RAB5C: variants seen among roughly 807,000 people sequenced by gnomAD.
RAB5C encodes the protein RAB5C, member RAS oncogene family, also known as ras-related protein Rab-5C.
Under a neutral mutation model 25.2 loss-of-function variants are expected in RAB5C, and 4 were observed. That is an observed-to-expected ratio of 0.16 (90% confidence interval 0.08 to 0.36). The LOEUF is 0.36. Ranked by LOEUF, RAB5C falls within the 10% of genes least tolerant of loss-of-function variation. The pLI, the probability that RAB5C is intolerant of heterozygous loss-of-function variation, is 1.00. For synonymous variants in RAB5C, 100 were observed against 106.4 expected (o/e 0.94, Z 0.37); for missense variants, 199 against 283.8 (o/e 0.70, Z 2.15).
intron 2 of RAB5C, among the ~76,000 whole-genome samples, chr17:42,129,943 A>G (rs534058370): frequency 6.6e-6 from 1 of 152,210 alleles, no homozygotes; most frequent in Non-Finnish European, 1.5e-5. Flanking sequence ...CCGACTCACC[A>G]GGCTGTTCCT....
intron 2 of RAB5C, 180 bp downstream of exon 2, chr17:42,130,157 G>C: frequency 1.3e-6 from 1 of 758,078 alleles, no homozygotes; most frequent in South Asian, 2.2e-5. Flanking sequence ...GATGCTTGAG[G>C]GGACTCTGGC....
chr17:42,135,761 A>G (rs1161233010), intron 1 of RAB5C, among the ~76,000 whole-genome samples: 1 of 152,182 alleles, frequency 6.6e-6, no homozygotes, highest in Non-Finnish European at 1.5e-5. Context: ...CACCCACTTC[A>G]TATGTTTTGT....
Position 42,130,129 on chromosome 17 carries a change from C to A in RAB5C, c.166+208G>T, listed in dbSNP as rs1014017825. 17 of 642,212 alleles carry A rather than the reference C, an allele frequency of 2.6e-5. No homozygotes were observed. The African/African-American group carries it at 2.9e-4, about 11-fold the overall frequency. The allele number at this position is 642,212 out of a possible 1,614,324, so 39.8% of individuals were successfully genotyped here. ...GGATGGGAAGCTAGCTTTCCACTCC[C>A]AGCAAATGCTTACTAGCGATGCTTG... On this transcript the variant is annotated intron_variant, in intron 2 of 5. Transcript: ENST00000346213.
At chr17:42,151,843 G>C (rs2079673649) in intron 1 of RAB5C, among the ~76,000 whole-genome samples, 1 of 152,106 alleles carries the variant, frequency 6.6e-6, no homozygotes, top group South Asian at 2.1e-4. Context: ...CAGGAGGTCG[G>C]GTAGACGCTG....
At chr17:42,135,280 G>A (rs2054525644) in intron 1 of RAB5C, among the ~76,000 whole-genome samples, 1 of 145,820 alleles carries the variant, frequency 6.9e-6, no homozygotes, top group Non-Finnish European at 1.5e-5. Context: ...TTTTTTTTTG[G>A]AGATAGAGTC....
intron 1 of RAB5C, among the ~76,000 whole-genome samples, chr17:42,141,394 T>G (rs1231389703): frequency 6.6e-6 from 1 of 152,230 alleles, no homozygotes; most frequent in African/African-American, 2.4e-5. Context: ...ATGGGTTTCC[T>G]TTGTGTTAAC....
Position 42,125,501 on chromosome 17 carries a change from A to C in RAB5C, c.*282T>G. 1 of 361,584 alleles carries C rather than the reference A, an allele frequency of 2.8e-6. No homozygotes were observed. Among genetic ancestry groups the C allele is most frequent in the Non-Finnish European group, 5.1e-6 (1 of 195,122 alleles). The allele number at this position is 361,584 out of a possible 1,614,324, so 22.4% of individuals were successfully genotyped here. On this transcript the variant is annotated 3_prime_UTR_variant, in exon 6 of 6. Coordinates refer to ENST00000346213, the MANE Select transcript of RAB5C (RefSeq NM_004583.4). ...GCATGTGGCTACTCCCAGCAAGGGA[A>C]AATGGGAGAGCAGTAGAAAGGGGAG...
At position 42,131,397 on chromosome 17, in the gene RAB5C, C is replaced by T. The variant is rs531343337; in HGVS notation, c.-88-807G>A. ...ACACACCGATACACACACACAAACA[C>T]ACACAGAAACACACACACCGGAACA... On this transcript the variant is annotated intron_variant, in intron 1 of 5. Transcript: ENST00000346213. Among the ~76,000 whole-genome samples, 7 of 152,038 alleles carry T rather than the reference C, an allele frequency of 4.6e-5. No individual in the cohort carries two copies. In the South Asian group the frequency reaches 6.2e-4, roughly 14 times the overall value.
intron 4 of RAB5C, among the ~76,000 whole-genome samples, chr17:42,128,025 G>A (rs559742685): frequency 4.5e-4 from 68 of 152,142 alleles, no homozygotes; most frequent in African/African-American, 1.6e-3. Flanking sequence ...TTACTGTGTC[G>A]CCTAGGCTGG....
At chr17:42,143,534 G>T (rs186925967) in intron 1 of RAB5C, among the ~76,000 whole-genome samples, 44 of 152,198 alleles carry the variant, frequency 2.9e-4, no homozygotes, top group African/African-American at 1.0e-3. Context: ...CTACTCAGGA[G>T]GTTGAGGCAC....
chr17:42,128,904 G>T, intron 2 of RAB5C, 104 bp from the exon 3 acceptor site: 2 of 1,088,130 alleles, frequency 1.8e-6, no homozygotes, highest in Non-Finnish European at 2.4e-6. Flanking sequence ...CCACCACTGA[G>T]ATGGGCACAG....
intron 1 of RAB5C, among the ~76,000 whole-genome samples, chr17:42,143,092 AGT>A (rs2079612390): frequency 6.6e-6 from 1 of 152,232 alleles, no homozygotes; most frequent in East Asian, 1.9e-4. Context: ...TGAATGGGTG[AGT>A]AGAACAACAG....
chr17:42,142,263 G>T (rs2079607880), intron 1 of RAB5C, among the ~76,000 whole-genome samples: 1 of 151,132 alleles, frequency 6.6e-6, no homozygotes, highest in African/African-American at 2.4e-5. Context: ...TCAAACTCCT[G>T]CGCTCAAGCA....
At chr17:42,142,138 C>T (rs1350923527) in intron 1 of RAB5C, among the ~76,000 whole-genome samples, 1 of 150,432 alleles carries the variant, frequency 6.6e-6, no homozygotes, top group Non-Finnish European at 1.5e-5. Flanking sequence ...GGGGTGAAGG[C>T]CCCAACCATG....
At chr17:42,148,481 CTCCTT>C (rs1421468237) in intron 1 of RAB5C, among the ~76,000 whole-genome samples, 1 of 151,682 alleles carries the variant, frequency 6.6e-6, no homozygotes, top group Non-Finnish European at 1.5e-5. Flanking sequence ...TGTCTGCCCT[CTCCTT>C]TAACAACTTC....
intron 1 of RAB5C, among the ~76,000 whole-genome samples, chr17:42,141,562 G>C (rs2079603576): frequency 6.6e-6 from 1 of 152,128 alleles, no homozygotes; most frequent in Non-Finnish European, 1.5e-5. Context: ...CCCTAACAGA[G>C]CCACAGAGCA....
intron 1 of RAB5C, among the ~76,000 whole-genome samples, chr17:42,143,555 T>C (rs559779468): frequency 6.6e-5 from 10 of 152,210 alleles, no homozygotes; most frequent in African/African-American, 2.4e-4. Flanking sequence ...AAGAATTGCA[T>C]GAATCTGGGA....
At chr17:42,153,509 C>G (rs2079685379) in intron 1 of RAB5C, among the ~76,000 whole-genome samples, 1 of 152,152 alleles carries the variant, frequency 6.6e-6, no homozygotes, top group South Asian at 2.1e-4. Context: ...CAGAAGCCCT[C>G]AAACACACCT....
Position 42,128,393 on chromosome 17 carries a change from C to CAGGGACAGAATGTCGA in RAB5C, c.319-26_319-11dup. The CAGGGACAGAATGTCGA allele has an allele frequency of 1.2e-6, 2 of 1,609,992 alleles. No homozygotes were observed. Among genetic ancestry groups the CAGGGACAGAATGTCGA allele is most frequent in the Middle Eastern group, 1.7e-4 (1 of 6,050 alleles). ...CCCGTGCAAATGTATCCTGAGGAGA[C>CAGGGACAGAATGTCGA]AGGGACAGAATGTCGAAGGGACAGA... On this transcript the variant is annotated splice_polypyrimidine_tract_variant and intron_variant, in intron 3 of 5. Transcript: ENST00000346213.
Sources: allele counts gnomAD v4.1 joint callset (sites outside exome capture counted in the v4.1 genomes callset), GRCh38; gene constraint gnomAD v4.1.1; transcripts MANE v1.5; gene names NCBI Gene and HGNC (gene_info 2026-07-23, HGNC 2026-07-21).